The following QTMAN variants were observed in gnomAD, a reference collection of about 807,000 sequenced individuals.
QTMAN encodes tRNA-queuosine alpha-mannosyltransferase.
chr2:144,182,885 TTTATATATATATATA>T, the QTMAN span, among the ~76,000 whole-genome samples: 10 of 79,842 alleles, frequency 1.3e-4, no homozygotes, highest in South Asian at 1.8e-3. Flanking sequence ...ATATATATAT[TTTATATATATATATA>T]TTATATATAT....
At chr2:144,156,637 A>G in the QTMAN span, among the ~76,000 whole-genome samples, 12 of 152,118 alleles carry the variant, frequency 7.9e-5, no homozygotes, top group Admixed American at 5.2e-4. Context: ...GGAGTAAAAC[A>G]AAAATTAAAA....
At chr2:144,257,136 A>G in the QTMAN span, among the ~76,000 whole-genome samples, 1 of 151,950 alleles carries the variant, frequency 6.6e-6, no homozygotes, top group Non-Finnish European at 1.5e-5. Flanking sequence ...CATCAATAAA[A>G]CAAAGACACA....
At chr2:144,263,201 C>T in the QTMAN span, among the ~76,000 whole-genome samples, 1 of 151,068 alleles carries the variant, frequency 6.6e-6, no homozygotes, top group Non-Finnish European at 1.5e-5. Context: ...CAAATTTTTA[C>T]CTAACACAAT....
At chr2:144,093,952 A>G in the QTMAN span, among the ~76,000 whole-genome samples, 1 of 152,210 alleles carries the variant, frequency 6.6e-6, no homozygotes, top group East Asian at 1.9e-4. Context: ...AGAAGGCATG[A>G]CCAATCTCCA....
At chr2:144,258,652 G>A in the QTMAN span, among the ~76,000 whole-genome samples, 23 of 152,028 alleles carry the variant, frequency 1.5e-4, no homozygotes, top group Non-Finnish European at 3.1e-4. Flanking sequence ...ACATCCATAA[G>A]CTCTTCTTAA....
At chr2:144,167,972 C>T in the QTMAN span, among the ~76,000 whole-genome samples, 1 of 152,112 alleles carries the variant, frequency 6.6e-6, no homozygotes, top group Non-Finnish European at 1.5e-5. Flanking sequence ...TGAGTATCTT[C>T]TTAAAAAACT....
the QTMAN span, among the ~76,000 whole-genome samples, chr2:143,996,051 T>A: frequency 3.3e-5 from 5 of 152,112 alleles, no homozygotes; most frequent in African/African-American, 4.8e-5. Flanking sequence ...ATTGTCTGGA[T>A]TATAATAGCA....
the QTMAN span, among the ~76,000 whole-genome samples, chr2:144,105,730 T>A: frequency 6.6e-6 from 1 of 152,114 alleles, no homozygotes; most frequent in Non-Finnish European, 1.5e-5. Flanking sequence ...CAGGGCAACA[T>A]TCAAATTCAG....
the QTMAN span, among the ~76,000 whole-genome samples, chr2:144,187,406 C>A: frequency 3.9e-5 from 6 of 152,110 alleles, no homozygotes; most frequent in Non-Finnish European, 8.8e-5. Flanking sequence ...TCCAGTCTTG[C>A]GAGAGCCAGA....
chr2:143,998,944 C>G, the QTMAN span, among the ~76,000 whole-genome samples: 1 of 151,972 alleles, frequency 6.6e-6, no homozygotes, highest in African/African-American at 2.4e-5. Flanking sequence ...ATTCTTCCCA[C>G]GAAGAGAGAC....
the QTMAN span, chr2:144,127,778 C>A: frequency 2.6e-5 from 4 of 151,986 alleles, no homozygotes; most frequent in Admixed American, 2.0e-4. Context: ...AGAGTCTGAA[C>A]AGGTGACATA....
the QTMAN span, among the ~76,000 whole-genome samples, chr2:144,075,531 A>G: frequency 6.6e-6 from 1 of 152,218 alleles, no homozygotes; most frequent in Middle Eastern, 3.2e-3. Flanking sequence ...GTGGAAAAGA[A>G]AGAGAAACAC....
At chr2:143,989,586 C>T in the QTMAN span, among the ~76,000 whole-genome samples, 70 of 152,266 alleles carry the variant, frequency 4.6e-4, no homozygotes, top group Non-Finnish European at 8.4e-4. Context: ...CGTGAATAAA[C>T]GCACTGAGCT....
At chr2:144,252,869 G>A in the QTMAN span, among the ~76,000 whole-genome samples, 1 of 152,130 alleles carries the variant, frequency 6.6e-6, no homozygotes, top group Admixed American at 6.5e-5. Flanking sequence ...AAAGTGAATG[G>A]ATAAACAAAC....
At chr2:144,066,157 CTTTT>C in the QTMAN span, among the ~76,000 whole-genome samples, 1 of 150,356 alleles carries the variant, frequency 6.7e-6, no homozygotes, top group African/African-American at 2.4e-5. Context: ...TCTTCCTTTT[CTTTT>C]TTTTTCTTTT....
the QTMAN span, among the ~76,000 whole-genome samples, chr2:144,168,247 G>A: frequency 3.9e-5 from 6 of 152,200 alleles, no homozygotes; most frequent in Admixed American, 3.3e-4. Flanking sequence ...GTTACTTTAC[G>A]AGAAATGTCT....
At chr2:143,946,164 T>C in the QTMAN span, 2 of 152,214 alleles carry the variant, frequency 1.3e-5, no homozygotes, top group South Asian at 4.1e-4. Flanking sequence ...TGCAAGTATA[T>C]TGGAGAAATA....
At chr2:144,000,440 C>G in the QTMAN span, among the ~76,000 whole-genome samples, 1 of 151,894 alleles carries the variant, frequency 6.6e-6, no homozygotes, top group African/African-American at 2.4e-5. Context: ...CTAAAGAAAA[C>G]TTATCACCAA....
At chr2:143,958,384 A>G in the QTMAN span, among the ~76,000 whole-genome samples, 1 of 152,158 alleles carries the variant, frequency 6.6e-6, no homozygotes, top group African/African-American at 2.4e-5. Flanking sequence ...TAGAAATTGT[A>G]AAATACAAAG....
Sources: gnomAD v4.1 joint callset for allele counts (sites outside exome capture counted in the v4.1 genomes callset) on GRCh38, gnomAD v4.1.1 for gene constraint, MANE v1.5 for transcripts, NCBI Gene and HGNC (gene_info 2026-07-23, HGNC 2026-07-21) for gene names.